The following ATP2C1 variants were observed in gnomAD, a reference collection of about 807,000 sequenced individuals.
ATP2C1 encodes the protein calcium-transporting ATPase type 2C member 1.
Under a neutral mutation model 120.5 loss-of-function variants are expected in ATP2C1, and 31 were observed. That is an observed-to-expected ratio of 0.26 (90% CI 0.19 to 0.35). The LOEUF is 0.35. ATP2C1 is among the 10% of genes least tolerant of loss of function. The pLI is 1.00. For synonymous variants in ATP2C1, 351 were observed against 358.7 expected (o/e 0.98, Z 0.24); for missense variants, 731 against 1,107.5 (o/e 0.66, Z 4.83).
At chr3:130,918,645 T>C in intron 2 of ATP2C1, 1 of 609,806 alleles carries the variant, frequency 1.6e-6, no homozygotes. Context: ...CTCTTAATCA[T>C]GAATTGCCAC....
chr3:130,963,829 CTCT>C (rs1285955899), intron 12 of ATP2C1, 139 bp from the exon 13 acceptor site: 4 of 1,006,912 alleles, frequency 4.0e-6, no homozygotes, highest in Non-Finnish European at 5.9e-6. Flanking sequence ...TGTTAACTTT[CTCT>C]TCCTTTTGAG....
chr3:130,998,774 G>T (rs1331991413), intron 26 of ATP2C1, among the ~76,000 whole-genome samples: 1 of 152,042 alleles, frequency 6.6e-6, no homozygotes, highest in Admixed American at 6.6e-5. Flanking sequence ...GCAGTTATGT[G>T]CCTATTTTTT....
chr3:130,941,891 T>G (rs1245817327), intron 8 of ATP2C1, among the ~76,000 whole-genome samples, 192 bp downstream of exon 8: 1 of 152,184 alleles, frequency 6.6e-6, no homozygotes, highest in Middle Eastern at 3.2e-3. Context: ...TTTGAGGTGT[T>G]TGTTTAGTGA....
chr3:130,912,975 T>C (rs2058506208), intron 2 of ATP2C1, among the ~76,000 whole-genome samples: 1 of 148,970 alleles, frequency 6.7e-6, no homozygotes, highest in African/African-American at 2.5e-5. Context: ...AAATTGGAAA[T>C]CATCATTCTC....
chr3:130,992,224 A>G (rs2062388903), intron 20 of ATP2C1, among the ~76,000 whole-genome samples: 1 of 152,098 alleles, frequency 6.6e-6, no homozygotes, highest in South Asian at 2.1e-4. Context: ...TGAGGAGGTT[A>G]TAGGGATGGT....
intron 17 of ATP2C1, among the ~76,000 whole-genome samples, chr3:130,971,528 CT>C (rs2061316668): frequency 6.6e-6 from 1 of 152,142 alleles, no homozygotes; most frequent in African/African-American, 2.4e-5. Flanking sequence ...AGGACTTTCA[CT>C]TGAACATGAC....
At chr3:130,955,474 C>A (rs2060540160) in intron 10 of ATP2C1, among the ~76,000 whole-genome samples, 1 of 152,132 alleles carries the variant, frequency 6.6e-6, no homozygotes, top group Non-Finnish European at 1.5e-5. Context: ...GAAAAGATTG[C>A]CAAGTAAAAT....
intron 8 of ATP2C1, among the ~76,000 whole-genome samples, chr3:130,944,246 G>A (rs2060040319): frequency 6.6e-6 from 1 of 152,118 alleles, no homozygotes; most frequent in African/African-American, 2.4e-5. Context: ...AACTTGCCTG[G>A]GTCCTTAGCA....
downstream of ATP2C1, among the ~76,000 whole-genome samples, chr3:131,003,835 C>G (rs543662793): frequency 1.3e-5 from 2 of 152,268 alleles, no homozygotes; most frequent in South Asian, 4.1e-4. Flanking sequence ...AAGTATTGGT[C>G]ACACTTAAAA....
chr3:130,856,456 C>T lies in ATP2C1; in HGVS notation c.108+5528C>T, dbSNP rs144813670. On this transcript the variant is annotated intron_variant, in intron 1 of 26. Coordinates refer to the ATP2C1 transcript ENST00000504381. ...CTGATTCTCTAGGTAAAATGATAGA[C>T]GTTTCACTACAACTTGATTTAAGAA... Among the ~76,000 whole-genome samples, 72 of 152,236 alleles carry T rather than the reference C, an allele frequency of 4.7e-4. 1 individual carries two copies. The highest frequency in any genetic ancestry group is 1.6e-3 in the African/African-American group (67 of 41,546).
In ATP2C1 at chr3:130,962,715, T is replaced by TA. The variant is rs71133621; in HGVS notation, c.900-1239dup. ...GCCTGTTTTTCCTTAATGGAAGCAT[T>TA]AAAAAAAAAAAAAAAAAGAAAAGAA... On this transcript the variant is annotated intron_variant, in intron 12 of 27. Transcript: ENST00000510168. Among the ~76,000 whole-genome samples, 851 of 114,206 alleles carry TA rather than the reference T, an allele frequency of 7.5e-3. 11 individuals carry two copies. Among genetic ancestry groups the TA allele is most frequent in the African/African-American group, 0.025 (766 of 30,148 alleles). The allele number at this position is 114,206 out of a possible 152,430, so 74.9% of individuals were successfully genotyped here. A position where few individuals can be genotyped will look rare whatever the true frequency, so the allele number is the denominator to read the frequency against.
intron 1 of ATP2C1, among the ~76,000 whole-genome samples, chr3:130,883,945 C>CTTCTTT (rs1559881483): frequency 8.2e-6 from 1 of 122,438 alleles, no homozygotes; most frequent in Non-Finnish European, 1.7e-5. Flanking sequence ...TTCTTTTCTT[C>CTTCTTT]TTTTTTTTTT....
At chr3:130,856,310 G>T (rs2067838966) in intron 1 of ATP2C1, 2 of 152,028 alleles carry the variant, frequency 1.3e-5, no homozygotes, top group African/African-American at 2.4e-5. Context: ...ACTTATTTCT[G>T]CATTTTGGCT....
chr3:130,931,691 A>G (rs553888856), intron 3 of ATP2C1, among the ~76,000 whole-genome samples: 1 of 152,230 alleles, frequency 6.6e-6, no homozygotes, highest in Non-Finnish European at 1.5e-5. Context: ...TTTTTAAAAA[A>G]TCAATTTTGT....
intron 20 of ATP2C1, among the ~76,000 whole-genome samples, chr3:130,984,351 T>C (rs1237899039): frequency 6.6e-6 from 1 of 152,236 alleles, no homozygotes; most frequent in Non-Finnish European, 1.5e-5. Context: ...AATTCCTGCA[T>C]GTGAAATGAT....
intron 2 of ATP2C1, among the ~76,000 whole-genome samples, chr3:130,928,609 C>G (rs540462639): frequency 6.6e-6 from 1 of 152,254 alleles, no homozygotes; most frequent in South Asian, 2.1e-4. Context: ...CTTGTTTAGT[C>G]TGTATTGACC....
intron 1 of ATP2C1, among the ~76,000 whole-genome samples, chr3:130,862,864 G>T (rs936297991): frequency 2.0e-5 from 3 of 152,232 alleles, no homozygotes; most frequent in African/African-American, 7.2e-5. Context: ...CCACTTCAGT[G>T]CTACCTGATA....
chr3:130,967,309 G>C lies in ATP2C1; in HGVS notation c.1219-21G>C, dbSNP rs761878687. ...CTTAAGACACAGTGATAGGTTCATA[G>C]TTTATGTGTATTTTTCTTAGGCGGG... On this transcript the variant is annotated intron_variant, in intron 15 of 27. Coordinates refer to ENST00000510168, the MANE Select transcript of ATP2C1 (RefSeq NM_001378687.1). 3.1e-6 allele frequency: 5 copies of C among 1,612,894 alleles called. No homozygotes were observed. The African/African-American group carries it at 6.7e-5, about 22-fold the overall frequency.
At chr3:130,993,416 A>G (rs1256760949) in intron 21 of ATP2C1, among the ~76,000 whole-genome samples, 2 of 152,262 alleles carry the variant, frequency 1.3e-5, no homozygotes, top group African/African-American at 4.8e-5. Context: ...AAACCAACTG[A>G]TAGAGTATCC....
Sources: allele counts gnomAD v4.1 joint callset (sites outside exome capture counted in the v4.1 genomes callset), GRCh38; gene constraint gnomAD v4.1.1; transcripts MANE v1.5; gene names NCBI Gene and HGNC (gene_info 2026-07-23, HGNC 2026-07-21).